Variants in ZNF791 observed in about 807,000 individuals in gnomAD.
The protein encoded by ZNF791 is zinc finger protein 791.
Under a neutral mutation model 11.5 loss-of-function variants are expected in ZNF791, and 4 were observed. The ratio of observed to expected loss-of-function variants is 0.35; its 90% CI spans 0.17 to 0.80. The LOEUF is 0.80. ZNF791 is among the 30% of genes least tolerant of loss of function. ZNF791 has a pLI of 0.53. For missense variants in ZNF791, 559 were observed against 699.4 expected (o/e 0.80, Z 2.26); for synonymous variants, 212 against 228.1 (o/e 0.93, Z 0.64).
At chr19:12,625,623 A>G (rs1057115056) in intron 3 of ZNF791, among the ~76,000 whole-genome samples, 4 of 149,636 alleles carry the variant, frequency 2.7e-5, no homozygotes, top group Admixed American at 2.0e-4. Flanking sequence ...TGTCTCTACT[A>G]AAAATACAAA....
intron 1 of ZNF791, among the ~76,000 whole-genome samples, chr19:12,616,317 G>A (rs777314845): frequency 6.6e-6 from 1 of 152,156 alleles, no homozygotes; most frequent in Non-Finnish European, 1.5e-5. Flanking sequence ...TTGGAGGCAG[G>A]CATGGTGGTA....
chr19:12,631,146 T>C lies in ZNF791; in HGVS notation c.*1886T>C, dbSNP rs1469751271. 2 of 152,226 alleles carry C rather than the reference T, an allele frequency of 1.3e-5. No homozygotes were observed. The highest frequency in any genetic ancestry group is 4.8e-5 in the African/African-American group (2 of 41,458). The allele number at this position is 152,226 out of a possible 1,614,324, so 9.4% of individuals were successfully genotyped here. ...TTTTATACTGCATGTTTACTCTGTG[T>C]ATTTTCTGTGTTTAGACTCATAAAT... On this transcript the variant is annotated 3_prime_UTR_variant, in exon 4 of 4. Coordinates refer to ENST00000343325, the MANE Select transcript of ZNF791 (RefSeq NM_153358.3).
Position 12,610,996 on chromosome 19 carries a change from T to C in ZNF791, c.-84T>C. The C allele has an allele frequency of 3.8e-6, 6 of 1,589,692 alleles. No individual in the cohort carries two copies. In the South Asian group the frequency reaches 5.5e-5, roughly 15 times the overall value. ...CTGGCCCCTTGACGCGTCAGGTTGC[T>C]GTACCCCTGCATCGGATGCGCTGTA... On this transcript the variant is annotated 5_prime_UTR_variant, in exon 1 of 4. Transcript: ENST00000343325.
At chr19:12,620,751 G>GTTT (rs2023327234) in intron 1 of ZNF791, among the ~76,000 whole-genome samples, 21 of 71,600 alleles carry the variant, frequency 2.9e-4, no homozygotes, top group Non-Finnish European at 5.4e-4. Flanking sequence ...GGGGATTTAT[G>GTTT]TTCTTTTTTT....
chr19:12,622,787 C>T (rs937321791), intron 1 of ZNF791, among the ~76,000 whole-genome samples: 2 of 150,584 alleles, frequency 1.3e-5, no homozygotes, highest in Non-Finnish European at 2.9e-5. Flanking sequence ...CCAGCTACTT[C>T]GGAGGCTGAG....
chr19:12,618,068 C>G (rs2023274778), intron 1 of ZNF791, among the ~76,000 whole-genome samples: 1 of 151,762 alleles, frequency 6.6e-6, no homozygotes, highest in Non-Finnish European at 1.5e-5. Flanking sequence ...CAGGTGCACA[C>G]CATCATGCCC....
intron 1 of ZNF791, among the ~76,000 whole-genome samples, chr19:12,621,721 G>GGGCGC (rs766324706): frequency 4.5e-5 from 4 of 88,194 alleles, no homozygotes; most frequent in Admixed American, 4.1e-4. Context: ...CCTCGGTGGG[G>GGGCGC]GGTCAGCCCC....
At chr19:12,624,082 C>T (rs1040214955) in intron 2 of ZNF791, among the ~76,000 whole-genome samples, 2 of 150,978 alleles carry the variant, frequency 1.3e-5, no homozygotes, top group African/African-American at 4.9e-5. Context: ...TCTTGAACTC[C>T]TGACCACAGG....
chr19:12,626,066 G>T (rs1228386851), intron 3 of ZNF791, among the ~76,000 whole-genome samples: 3 of 152,144 alleles, frequency 2.0e-5, no homozygotes, highest in Admixed American at 6.5e-5. Flanking sequence ...CACCAGGCTA[G>T]AGTGCTGTGG....
At chr19:12,616,142 C>G (rs778764466) in intron 1 of ZNF791, among the ~76,000 whole-genome samples, 1 of 152,126 alleles carries the variant, frequency 6.6e-6, no homozygotes, top group Non-Finnish European at 1.5e-5. Context: ...AAAGTGATAT[C>G]TCTTCAGTTT....
In ZNF791 at chr19:12,628,332, G is replaced by A. The variant is rs1462519651; in HGVS notation, c.803G>A (p.Gly268Glu). ...SVLTHMITHN[G>E]DRPYKCKECG... Reference sequence around the variant, plus strand: ...CTAACACACATGATAACACACAACGGAGATAGACCTTATAAATGCAAAGAA... The same window carrying A: ...CTAACACACATGATAACACACAACGAAGATAGACCTTATAAATGCAAAGAA... The change falls in exon 4 of 4, where the codon GGA (glycine) becomes GAA (glutamate). Residue 268 changes from glycine to glutamate, a missense_variant. Transcript: ENST00000343325. 6.2e-7 allele frequency: 1 copy of A among 1,612,586 alleles called. No homozygotes were observed. The highest frequency in any genetic ancestry group is 2.2e-5 in the East Asian group (1 of 44,852).
chr19:12,615,793 A>AG (rs2145179792), intron 1 of ZNF791, among the ~76,000 whole-genome samples: 1 of 152,194 alleles, frequency 6.6e-6, no homozygotes, highest in East Asian at 1.9e-4. Flanking sequence ...AAAAAAAAAA[A>AG]AAAAAAGATT....
In ZNF791 at chr19:12,633,504, G is replaced by A. The variant is rs1244424884; in HGVS notation, c.*4244G>A. The A allele has an allele frequency of 6.6e-6, 1 of 152,104 alleles. No homozygotes were observed. Among genetic ancestry groups the A allele is most frequent in the Non-Finnish European group, 1.5e-5 (1 of 68,018 alleles). The allele number at this position is 152,104 out of a possible 1,614,324, so 9.4% of individuals were successfully genotyped here. On this transcript the variant is annotated 3_prime_UTR_variant, in exon 4 of 4. Transcript: ENST00000343325. ...AGCCTGCTTCCTGCTCATTTTCCTGGTTATTTTCTCTGCCAATCAAAAGTA... is the reference window on the plus strand; with the variant it reads ...AGCCTGCTTCCTGCTCATTTTCCTGATTATTTTCTCTGCCAATCAAAAGTA...
intron 1 of ZNF791, among the ~76,000 whole-genome samples, chr19:12,617,367 G>A (rs973469689): frequency 7.2e-5 from 11 of 151,810 alleles, no homozygotes; most frequent in Non-Finnish European, 1.3e-4. Context: ...CTCGTGATCC[G>A]CCCACCTTGG....
intron 1 of ZNF791, among the ~76,000 whole-genome samples, chr19:12,614,373 A>G (rs1169197500): frequency 6.6e-6 from 1 of 151,450 alleles, no homozygotes; most frequent in Non-Finnish European, 1.5e-5. Flanking sequence ...AGCTAGGATT[A>G]CAGGTGTGTG....
At chr19:12,613,177 C>A (rs541667274) in intron 1 of ZNF791, among the ~76,000 whole-genome samples, 2 of 150,692 alleles carry the variant, frequency 1.3e-5, no homozygotes, top group East Asian at 4.1e-4. Flanking sequence ...CCAGTCCGGT[C>A]TCGAACTCCG....
In ZNF791 at chr19:12,628,054, T is replaced by A; in HGVS notation, c.525T>A (p.Phe175Leu). 2 of 1,613,292 alleles carry A rather than the reference T, an allele frequency of 1.2e-6. No homozygotes were observed. Among genetic ancestry groups the A allele is most frequent in the Non-Finnish European group, 1.7e-6 (2 of 1,179,744 alleles). ...CGKTFIYHQP[F>L]QRHERTHIGE... ...AAACCTTCATATATCACCAGCCCTT[T>A]CAAAGACATGAGCGGACTCACATTG... is the stretch of plus-strand genomic sequence containing the variant. Residue 175 changes from phenylalanine to leucine, a missense_variant, in exon 4 of 4, where the codon TTT (phenylalanine) becomes TTA (leucine). By Grantham distance (22) the Phe-to-Leu change is conservative (BLOSUM62 0). Transcript: ENST00000343325.
chr19:12,614,061 A>G (rs996122263), intron 1 of ZNF791, among the ~76,000 whole-genome samples: 2 of 152,106 alleles, frequency 1.3e-5, no homozygotes, highest in African/African-American at 4.8e-5. Context: ...CAGAACCTCA[A>G]TCTCAATCTG....
At position 12,627,816 on chromosome 19, in the gene ZNF791, G is replaced by C. The variant is rs764623753; in HGVS notation, c.287G>C (p.Gly96Ala). 2.5e-6 allele frequency: 4 copies of C among 1,614,174 alleles called. No individual in the cohort carries two copies. Among genetic ancestry groups the C allele is most frequent in the Non-Finnish European group, 3.4e-6 (4 of 1,180,034 alleles). Residue 96 changes from glycine to alanine, a missense_variant, in exon 4 of 4, where the codon GGA (glycine) becomes GCA (alanine). Transcript: ENST00000343325. ...PNLSVTKKTA[G>A]VKPYECTICG... ...CTCAGTGTGACGAAGAAGACTGCCG[G>C]AGTAAAACCATATGAGTGTACTATC...
Sources: gnomAD v4.1 joint callset for allele counts (sites outside exome capture counted in the v4.1 genomes callset) on GRCh38, gnomAD v4.1.1 for gene constraint, MANE v1.5 for transcripts, NCBI Gene and HGNC (gene_info 2026-07-23, HGNC 2026-07-21) for gene names.